GABRB1: variants seen among roughly 807,000 people sequenced by gnomAD.
GABRB1 encodes the protein gamma-aminobutyric acid type A receptor subunit beta1, also known as gamma-aminobutyric acid receptor subunit beta-1.
GABRB1 carries 17 observed loss-of-function variants against 51.6 expected under a neutral mutation model. The ratio of observed to expected loss-of-function variants is 0.33; its 90% CI spans 0.23 to 0.49. GABRB1 has a LOEUF of 0.49. Ranked by LOEUF, GABRB1 falls within the 20% of genes least tolerant of loss-of-function variation. GABRB1 has a pLI of 0.99. For missense variants in GABRB1, 410 were observed against 600.6 expected (o/e 0.68, Z 3.32); for synonymous variants, 247 against 218.9 (o/e 1.13, Z -1.14).
chr4:47,238,855 T>C (rs1013569046), intron 4 of GABRB1, among the ~76,000 whole-genome samples: 1 of 152,182 alleles, frequency 6.6e-6, no homozygotes, highest in Non-Finnish European at 1.5e-5. Context: ...TACTAAGTCT[T>C]GCTGTCATAA....
intron 4 of GABRB1, among the ~76,000 whole-genome samples, chr4:47,165,329 C>T (rs1165436641): frequency 6.6e-6 from 1 of 152,032 alleles, no homozygotes; most frequent in Non-Finnish European, 1.5e-5. Context: ...AGCCCTTCCT[C>T]TCTGTTGACT....
chr4:47,096,424 T>A (rs1401976692), intron 3 of GABRB1, among the ~76,000 whole-genome samples: 1 of 152,144 alleles, frequency 6.6e-6, no homozygotes, highest in Non-Finnish European at 1.5e-5. Flanking sequence ...ATGAGGCAAA[T>A]GTACCAATAA....
chr4:47,242,463 C>G (rs988009744), intron 4 of GABRB1, among the ~76,000 whole-genome samples: 2 of 152,254 alleles, frequency 1.3e-5, no homozygotes, highest in African/African-American at 4.8e-5. Flanking sequence ...AATCACCACA[C>G]TGTCTTCCAC....
At chr4:47,243,963 G>A (rs973300645) in intron 4 of GABRB1, among the ~76,000 whole-genome samples, 5 of 152,112 alleles carry the variant, frequency 3.3e-5, no homozygotes, top group Non-Finnish European at 7.4e-5. Context: ...TCTTGTGCCA[G>A]TTTTCAAAGG....
chr4:47,144,033 T>C (rs1717048970), intron 3 of GABRB1, among the ~76,000 whole-genome samples: 1 of 151,988 alleles, frequency 6.6e-6, no homozygotes, highest in South Asian at 2.1e-4. Context: ...GTATTTGTTG[T>C]TTCTCCTTAA....
chr4:47,305,344 A>G (rs1724427727), intron 4 of GABRB1, among the ~76,000 whole-genome samples: 1 of 152,164 alleles, frequency 6.6e-6, no homozygotes, highest in Admixed American at 6.6e-5. Flanking sequence ...TTTAGTCAGG[A>G]GAAAGAAAAT....
At chr4:47,273,230 C>T (rs182178815) in intron 4 of GABRB1, among the ~76,000 whole-genome samples, 7 of 152,256 alleles carry the variant, frequency 4.6e-5, no homozygotes, top group African/African-American at 1.7e-4. Context: ...GAATAAAATC[C>T]TCCCAGGCAG....
rs773360246 is a variant in GABRB1 at position 47,376,746 on chromosome 4, AAAGGAAATGG to A, written c.545-26558_545-26549del. On this transcript the variant is annotated intron_variant, in intron 5 of 8. Coordinates refer to ENST00000295454, the MANE Select transcript of GABRB1 (RefSeq NM_000812.4). ...CTAGGCTGACAGGATTTGAGCAGTG[AAAGGAAATGG>A]AAGGAAATGGAAGAGGCAGTGACAG... is the stretch of plus-strand genomic sequence containing the variant. 7.2e-3 allele frequency among the ~76,000 whole-genome samples: 1,089 copies of A among 152,276 alleles called. 13 individuals are homozygous for A. The highest frequency in any genetic ancestry group is 0.025 in the African/African-American group (1,034 of 41,552).
At chr4:47,163,206 T>G (rs1718036193) in intron 4 of GABRB1, among the ~76,000 whole-genome samples, 1 of 152,082 alleles carries the variant, frequency 6.6e-6, no homozygotes, top group Non-Finnish European at 1.5e-5. Flanking sequence ...AGTAATGGGC[T>G]AATACCCCCT....
At position 47,207,426 on chromosome 4, in the gene GABRB1, A is replaced by G. The variant is rs957057488; in HGVS notation, c.461+45957A>G. 9.9e-5 allele frequency among the ~76,000 whole-genome samples: 15 copies of G among 152,152 alleles called. 1 individual carries two copies. Among genetic ancestry groups the G allele is most frequent in the Admixed American group, 6.6e-4 (10 of 15,260 alleles). ...TAATGTTCTGCATTTTACACCAGTCAGAAAAAGTGAGTGAATCAGAACTGA... is the reference window on the plus strand; with the variant it reads ...TAATGTTCTGCATTTTACACCAGTCGGAAAAAGTGAGTGAATCAGAACTGA... On this transcript the variant is annotated intron_variant, in intron 4 of 8. Transcript: ENST00000295454.
rs563405766 is a variant in GABRB1, at chr4:47,313,562, G to A, written c.462-6565G>A. Among the ~76,000 whole-genome samples the A allele has an allele frequency of 9.2e-5, 14 of 152,198 alleles. No homozygotes were observed. The South Asian group carries it at 2.9e-3, about 32-fold the overall frequency. ...TGCTTCTCACCCAGAAGACAAGAGA[G>A]CTGAACAGAACTCTGCCCAGGGACA... is the stretch of plus-strand genomic sequence containing the variant. On this transcript the variant is annotated intron_variant, in intron 4 of 8. Transcript: ENST00000295454.
chr4:47,259,387 A>C (rs182276214), intron 4 of GABRB1, among the ~76,000 whole-genome samples: 1 of 151,982 alleles, frequency 6.6e-6, no homozygotes, highest in East Asian at 1.9e-4. Context: ...TCTCTAAATC[A>C]AGTAAGTGTT....
intron 3 of GABRB1, among the ~76,000 whole-genome samples, chr4:47,060,898 T>G (rs1726821187): frequency 6.6e-6 from 1 of 152,226 alleles, no homozygotes; most frequent in Non-Finnish European, 1.5e-5. Flanking sequence ...ATTATTCATT[T>G]TAAGCATTTT....
intron 3 of GABRB1, among the ~76,000 whole-genome samples, chr4:47,086,088 C>T (rs77989515): frequency 0.033 from 4,960 of 152,316 alleles, 393 homozygotes; most frequent in East Asian, 0.17. Context: ...TTAGGGAAAA[C>T]TCTTTTATCC....
chr4:47,086,371 T>C (rs1196717544), intron 3 of GABRB1, among the ~76,000 whole-genome samples: 6 of 152,164 alleles, frequency 3.9e-5, no homozygotes, highest in Non-Finnish European at 7.4e-5. Flanking sequence ...ATTATAAAAT[T>C]CTTAAGATAC....
chr4:47,336,190 T>C lies in GABRB1; in HGVS notation c.544+15981T>C, dbSNP rs543804673. Among the ~76,000 whole-genome samples the C allele has an allele frequency of 2.6e-5, 4 of 152,194 alleles. No homozygotes were observed. In the South Asian group the frequency reaches 8.3e-4, roughly 32 times the overall value. Reference sequence around the variant, plus strand: ...ATCAAGTGAAAGTCTAAGTTTAGAGTTCAGAGGAGAGATTCTATCTGGAAA... The same window carrying C: ...ATCAAGTGAAAGTCTAAGTTTAGAGCTCAGAGGAGAGATTCTATCTGGAAA... On this transcript the variant is annotated intron_variant, in intron 5 of 8. Coordinates refer to ENST00000295454, the MANE Select transcript of GABRB1 (RefSeq NM_000812.4).
At chr4:47,160,409 G>A (rs1717891767) in intron 3 of GABRB1, among the ~76,000 whole-genome samples, 1 of 152,148 alleles carries the variant, frequency 6.6e-6, no homozygotes, top group African/African-American at 2.4e-5. Flanking sequence ...CCATCGATAA[G>A]TTGTAATTCA....
intron 3 of GABRB1, among the ~76,000 whole-genome samples, chr4:47,058,144 A>G (rs1726698471): frequency 6.6e-6 from 1 of 152,212 alleles, no homozygotes; most frequent in Non-Finnish European, 1.5e-5. Flanking sequence ...AGGTTAAAGA[A>G]GGTCAAGGAT....
At chr4:47,127,095 T>G (rs1716179418) in intron 3 of GABRB1, among the ~76,000 whole-genome samples, 2 of 151,820 alleles carry the variant, frequency 1.3e-5, no homozygotes, top group Non-Finnish European at 3.0e-5. Flanking sequence ...CAGATACAGT[T>G]TGAATAGAAA....
Sources: allele counts gnomAD v4.1 joint callset (sites outside exome capture counted in the v4.1 genomes callset), GRCh38; gene constraint gnomAD v4.1.1; transcripts MANE v1.5; gene names NCBI Gene and HGNC (gene_info 2026-07-23, HGNC 2026-07-21).